The following RBSN variants were observed in gnomAD, a reference collection of about 807,000 sequenced individuals.
RBSN encodes rabenosyn, RAB effector.
RBSN carries 34 observed loss-of-function variants against 60.5 expected under a neutral mutation model. The observed-to-expected ratio is 0.56, with a 90% CI of 0.43 to 0.75. The LOEUF (loss-of-function observed/expected upper bound fraction) is 0.75, where lower values mean the gene tolerates loss of function less well. Among genes scored for constraint, RBSN ranks in the 30% least tolerant of loss-of-function variants. RBSN has a pLI of 0.00. For synonymous variants in RBSN, 322 were observed against 366.9 expected (o/e 0.88, Z 1.40); for missense variants, 845 against 986.8 (o/e 0.86, Z 1.92).
chr3:15,070,680 G>T lies in RBSN; in HGVS notation c.*3102C>A, dbSNP rs1157451957. On this transcript the variant is annotated 3_prime_UTR_variant, in exon 14 of 14. Transcript: ENST00000253699. ...CGACATGGTACAGCTGATGGGTAGA[G>T]AATTCTAACTCCTGTGATGTATTTA... is the stretch of plus-strand genomic sequence containing the variant. 2 of 152,648 alleles carry T rather than the reference G, an allele frequency of 1.3e-5. No individual in the cohort carries two copies. Among genetic ancestry groups the T allele is most frequent in the African/African-American group, 2.4e-5 (1 of 41,450 alleles). The allele number at this position is 152,648 out of a possible 1,614,324, so 9.5% of individuals were successfully genotyped here.
At chr3:15,083,666 TG>T (rs1161262245) in intron 8 of RBSN, among the ~76,000 whole-genome samples, 1 of 152,152 alleles carries the variant, frequency 6.6e-6, no homozygotes, top group African/African-American at 2.4e-5. Flanking sequence ...AGGCTCTTCT[TG>T]AACATCACCT....
chr3:15,097,659 G>A (rs114983775), intron 2 of RBSN, among the ~76,000 whole-genome samples: 2,166 of 152,144 alleles, frequency 0.014, 26 homozygotes, highest in South Asian at 0.034. Flanking sequence ...CCAGTCACAA[G>A]AGAAATTGAG....
intron 6 of RBSN, 22 bp downstream of exon 6, chr3:15,085,839 G>T: frequency 6.3e-7 from 1 of 1,584,100 alleles, no homozygotes; most frequent in Non-Finnish European, 8.7e-7. Context: ...AGAAAAAAAT[G>T]TTTTAAGACA....
chr3:15,094,820 A>G (rs1029216496), intron 4 of RBSN, among the ~76,000 whole-genome samples: 1 of 152,236 alleles, frequency 6.6e-6, no homozygotes, highest in African/African-American at 2.4e-5. Flanking sequence ...TACAAAGTGC[A>G]TATGATTCAC....
In RBSN at chr3:15,084,654, C is replaced by A; in HGVS notation, c.598+81G>T. 1 of 1,477,560 alleles carries A rather than the reference C, an allele frequency of 6.8e-7. No homozygotes were observed. The highest frequency in any genetic ancestry group is 9.1e-7 in the Non-Finnish European group (1 of 1,102,886). 91.5% of individuals were successfully genotyped at this position (1,477,560 alleles called of 1,614,324 possible). A position where few individuals can be genotyped will look rare whatever the true frequency, so the allele number is the denominator to read the frequency against. ...GAGCCATTAATTTAACAAAAAGGTT[C>A]CACGATCCCAGTGGTAATTAGCAAA... On this transcript the variant is annotated intron_variant, in intron 8 of 13. Coordinates refer to ENST00000253699, the MANE Select transcript of RBSN (RefSeq NM_022340.4). This position sits in a 1 kb window ranked among gnomAD's most constrained non-coding sequence, Gnocchi z 4.2.
At position 15,078,388 on chromosome 3, in the gene RBSN, T is replaced by G. The variant is rs116372695; in HGVS notation, c.912-227A>C. 4.6e-3 allele frequency among the ~76,000 whole-genome samples: 700 copies of G among 152,296 alleles called. 6 individuals are homozygous for G. The highest frequency in any genetic ancestry group is 0.016 in the African/African-American group (664 of 41,572). On this transcript the variant is annotated intron_variant, in intron 10 of 13. Transcript: ENST00000253699. ...ACAGGGACAGATTCATGCCAAGGCC[T>G]CCAAGGACTAGCCCTTATGCTCATC...
In RBSN at chr3:15,087,495, G is replaced by A. The variant is rs7618095; in HGVS notation, c.290-1534C>T. Among the ~76,000 whole-genome samples the A allele has an allele frequency of 1.5e-3, 228 of 152,286 alleles. 1 individual carries two copies. The highest frequency in any genetic ancestry group is 5.0e-3 in the African/African-American group (208 of 41,524). On this transcript the variant is annotated intron_variant, in intron 5 of 13. Transcript: ENST00000253699. ...AGCACACTTGAGCCTGGGTGACAGA[G>A]GAAGGCTGTCTCAGAAAAACAAACA... is the stretch of plus-strand genomic sequence containing the variant.
At chr3:15,088,411 GCT>G (rs2043405304) in intron 5 of RBSN, among the ~76,000 whole-genome samples, 1 of 150,496 alleles carries the variant, frequency 6.6e-6, no homozygotes, top group Admixed American at 6.6e-5. Context: ...ACAGAGTCTC[GCT>G]CTGTCACCCA....
rs779218666 is a variant in RBSN, at chr3:15,075,728, C to CA, written c.1102-19dup. 1.6e-5 allele frequency: 25 copies of CA among 1,597,318 alleles called. No individual in the cohort carries two copies. The highest frequency in any genetic ancestry group is 2.1e-5 in the Non-Finnish European group (24 of 1,164,776). Reference sequence around the variant, plus strand: ...AACTTTTCCTGCAGGGAGTGACAGACAATTTTACACTTAAACCCTTTTAGA... The same window carrying CA: ...AACTTTTCCTGCAGGGAGTGACAGACAAATTTTACACTTAAACCCTTTTAGA... On this transcript the variant is annotated intron_variant, in intron 12 of 13. Transcript: ENST00000253699.
rs1156952096 is a variant in RBSN at position 15,084,361 on chromosome 3, G to A, written c.598+374C>T. Among the ~76,000 whole-genome samples, 2 of 152,142 alleles carry A rather than the reference G, an allele frequency of 1.3e-5. No individual in the cohort carries two copies. Among genetic ancestry groups the A allele is most frequent in the African/African-American group, 4.8e-5 (2 of 41,422 alleles). ...TCAAACTCCTGACCTCAAGTGATCC[G>A]CCTGCCTTGGCCTCTCAAAGTGCTG... On this transcript the variant is annotated intron_variant, in intron 8 of 13. Coordinates refer to ENST00000253699, the MANE Select transcript of RBSN (RefSeq NM_022340.4). This position sits in a 1 kb window ranked among gnomAD's most constrained non-coding sequence, Gnocchi z 4.2.
Position 15,098,597 on chromosome 3 carries a change from C to A in RBSN, c.-500-323G>T, listed in dbSNP as rs527518947. ...CCCGGCCTCACGATCGCAACCACAACCCACATAACTAACATGATTATACAC... is the reference window on the plus strand; with the variant it reads ...CCCGGCCTCACGATCGCAACCACAAACCACATAACTAACATGATTATACAC... On this transcript the variant is annotated intron_variant, in intron 1 of 13. Coordinates refer to ENST00000253699, the MANE Select transcript of RBSN (RefSeq NM_022340.4). 2.6e-5 allele frequency among the ~76,000 whole-genome samples: 4 copies of A among 152,208 alleles called. No homozygotes were observed. The East Asian group carries it at 7.7e-4, about 29-fold the overall frequency.
chr3:15,080,646 T>A lies in RBSN; in HGVS notation c.911+86A>T, dbSNP rs1210057761. ...AAAAAAAGCACGGTTGAAGTTAAGA[T>A]TTTCATTTTTGGCTACTGGAGAATT... On this transcript the variant is annotated intron_variant, in intron 10 of 13. Coordinates refer to ENST00000253699, the MANE Select transcript of RBSN (RefSeq NM_022340.4). 1.9e-5 allele frequency: 26 copies of A among 1,361,184 alleles called. 1 individual carries two copies. The highest frequency in any genetic ancestry group is 2.5e-5 in the Non-Finnish European group (24 of 972,998). 84.3% of individuals were successfully genotyped at this position (1,361,184 alleles called of 1,614,324 possible).
chr3:15,073,694 C>T lies in RBSN; in HGVS notation c.*88G>A. ...GTGCATCTGAGTTCTCACCCTGCCA[C>T]CTTCCCCATCCATCCTGCCTGCCCT... On this transcript the variant is annotated 3_prime_UTR_variant, in exon 14 of 14. Transcript: ENST00000253699. 7.0e-7 allele frequency: 1 copy of T among 1,435,392 alleles called. No homozygotes were observed. The highest frequency in any genetic ancestry group is 1.4e-5 in the South Asian group (1 of 73,358). The allele number at this position is 1,435,392 out of a possible 1,614,324, so 88.9% of individuals were successfully genotyped here.
intron 8 of RBSN, among the ~76,000 whole-genome samples, chr3:15,083,186 T>C (rs2043251066): frequency 6.6e-6 from 1 of 152,118 alleles, no homozygotes; most frequent in East Asian, 1.9e-4. Flanking sequence ...GCCCAGTAAA[T>C]GCTGGCTAAA....
intron 1 of RBSN, among the ~76,000 whole-genome samples, 153 bp from the exon 2 acceptor site, chr3:15,098,427 C>G (rs947758638): frequency 7.1e-5 from 10 of 141,148 alleles, no homozygotes; most frequent in Non-Finnish European, 1.5e-4. Flanking sequence ...CATAAGCAAG[C>G]CCCTCGCACT....
At chr3:15,081,790 A>AT (rs1358678714) in intron 9 of RBSN, among the ~76,000 whole-genome samples, 1 of 152,150 alleles carries the variant, frequency 6.6e-6, no homozygotes, top group Non-Finnish European at 1.5e-5. Flanking sequence ...TCACCTGGCC[A>AT]TTAAGGGACC....
At chr3:15,097,676 C>G (rs2043697821) in intron 2 of RBSN, among the ~76,000 whole-genome samples, 1 of 152,034 alleles carries the variant, frequency 6.6e-6, no homozygotes, top group South Asian at 2.1e-4. Context: ...TGAGACAAAA[C>G]CATTCCACAA....
At position 15,084,773 on chromosome 3, in the gene RBSN, C is replaced by T; in HGVS notation, c.560G>A (p.Cys187Tyr). ...GCTGATGAGCTCCATACACTTCTTG[C>T]ACATAATAGACCCGCAGAGGCGGCA... ...HHCRLCGSIM[C>Y]KKCMELISLP... is the part of the protein sequence containing the mutation. Residue 187 changes from cysteine to tyrosine, a missense_variant, in exon 8 of 14, where the codon TGC becomes TAC. By Grantham distance (194) the Cys-to-Tyr change is radical (BLOSUM62 -2). Transcript: ENST00000253699. This position sits in a 1 kb window ranked among gnomAD's most constrained non-coding sequence, Gnocchi z 4.2. 1 of 1,613,474 alleles carries T rather than the reference C, an allele frequency of 6.2e-7. No homozygotes were observed. Among genetic ancestry groups the T allele is most frequent in the Non-Finnish European group, 8.5e-7 (1 of 1,179,720 alleles).
intron 4 of RBSN, chr3:15,091,355 A>G: frequency 1.8e-6 from 2 of 1,089,596 alleles, no homozygotes; most frequent in Non-Finnish European, 2.3e-6. Flanking sequence ...GATGGGATTC[A>G]GCTAAACCTC....
Sources: gnomAD v4.1 joint callset for allele counts (sites outside exome capture counted in the v4.1 genomes callset) on GRCh38, gnomAD v4.1.1 for gene constraint, Gnocchi (gnomAD v3.1) non-coding constraint, MANE v1.5 for transcripts, NCBI Gene and HGNC (gene_info 2026-07-23, HGNC 2026-07-21) for gene names.